ZNF385D: variants seen among roughly 807,000 people sequenced by gnomAD.
ZNF385D encodes zinc finger protein 385D.
Under a neutral mutation model 35.8 loss-of-function variants are expected in ZNF385D, and 15 were observed. That is an observed-to-expected ratio of 0.42 (90% CI 0.28 to 0.64). The LOEUF is 0.64. Among genes scored for constraint, ZNF385D ranks in the 30% least tolerant of loss-of-function variants. The probability of loss-of-function intolerance (pLI) is 0.23; values close to 1 mark genes in which losing one functional copy is unlikely to be tolerated. For synonymous variants in ZNF385D, 212 were observed against 186.8 expected (o/e 1.13, Z -1.10); for missense variants, 474 against 494.6 (o/e 0.96, Z 0.39).
At chr3:22,049,734 A>C (rs377116406) in intron 3 of ZNF385D, among the ~76,000 whole-genome samples, 1 of 152,158 alleles carries the variant, frequency 6.6e-6, no homozygotes, top group Admixed American at 6.6e-5. Context: ...CAAGATGCTC[A>C]ATTTTCAGCA....
chr3:21,490,884 C>T (rs1369518498), intron 4 of ZNF385D, among the ~76,000 whole-genome samples: 1 of 130,818 alleles, frequency 7.6e-6, no homozygotes, highest in East Asian at 2.2e-4. Flanking sequence ...AGATTAGCCT[C>T]ATTATTCACT....
intron 2 of ZNF385D, among the ~76,000 whole-genome samples, chr3:22,364,213 G>T (rs187163659): frequency 6.0e-4 from 91 of 151,912 alleles, no homozygotes; most frequent in Non-Finnish European, 1.1e-3. Context: ...TGAGTTTTGG[G>T]ATATGACATC....
At chr3:22,160,449 G>A (rs960820306) in intron 3 of ZNF385D, among the ~76,000 whole-genome samples, 1 of 151,920 alleles carries the variant, frequency 6.6e-6, no homozygotes, top group Non-Finnish European at 1.5e-5. Context: ...CCTGAAGTAC[G>A]ATAAAAATCT....
chr3:21,655,197 CTG>C (rs1245736505), intron 2 of ZNF385D, among the ~76,000 whole-genome samples: 1 of 151,994 alleles, frequency 6.6e-6, no homozygotes, highest in Non-Finnish European at 1.5e-5. Flanking sequence ...CCTGCAATTT[CTG>C]TGTTTCTCCT....
At chr3:21,737,458 G>GAT (rs3073115) in intron 1 of ZNF385D, among the ~76,000 whole-genome samples, 42,034 of 148,734 alleles carry the variant, frequency 0.28, 6,105 homozygotes, top group South Asian at 0.42. Context: ...ACAAGAGGGG[G>GAT]ATATATATAC....
intron 3 of ZNF385D, among the ~76,000 whole-genome samples, chr3:21,954,938 A>G (rs1391330): frequency 0.32 from 48,196 of 151,988 alleles, 8,788 homozygotes; most frequent in African/African-American, 0.46. Context: ...CCAAGCAAGC[A>G]GCCTGCAAGG....
At chr3:21,436,866 C>T (rs1701576368) in intron 5 of ZNF385D, 104 bp downstream of exon 5, 1 of 1,035,784 alleles carries the variant, frequency 9.7e-7, no homozygotes, top group Non-Finnish European at 1.4e-6. Context: ...TAATAATTGC[C>T]AGTTTTCCTC....
intron 2 of ZNF385D, among the ~76,000 whole-genome samples, chr3:22,254,504 C>A (rs1700216154): frequency 1.3e-5 from 2 of 151,742 alleles, no homozygotes; most frequent in Admixed American, 6.6e-5. Flanking sequence ...TTTCTTTACA[C>A]ATTTCATTAT....
chr3:22,002,152 GA>G (rs1695881428), intron 3 of ZNF385D, among the ~76,000 whole-genome samples: 1 of 150,966 alleles, frequency 6.6e-6, no homozygotes, highest in Non-Finnish European at 1.5e-5. Context: ...TTAGTGAAAT[GA>G]AAAGTTGATT....
intron 2 of ZNF385D, among the ~76,000 whole-genome samples, chr3:22,316,696 T>C (rs1257269662): frequency 6.6e-6 from 1 of 152,180 alleles, no homozygotes; most frequent in East Asian, 1.9e-4. Flanking sequence ...ATAATAGTAT[T>C]TACCATACAG....
At position 21,637,051 on chromosome 3, in the gene ZNF385D, T is replaced by C. The variant is rs1292662291; in HGVS notation, c.165+27835A>G. 2.0e-5 allele frequency among the ~76,000 whole-genome samples: 3 copies of C among 152,178 alleles called. No individual in the cohort carries two copies. In the East Asian group the frequency reaches 5.8e-4, roughly 30 times the overall value. ...AGATTTTCTCCTACTCTGTGAGTTG[T>C]CTGTTTATTCTGCTGACTGTTCCTT... On this transcript the variant is annotated intron_variant, in intron 2 of 7. Coordinates refer to ENST00000281523, the MANE Select transcript of ZNF385D (RefSeq NM_024697.3).
chr3:22,260,881 C>A (rs577132981), intron 2 of ZNF385D, among the ~76,000 whole-genome samples: 1 of 151,982 alleles, frequency 6.6e-6, no homozygotes, highest in African/African-American at 2.4e-5. Context: ...TCTATGGTAA[C>A]AGTTTTAGTA....
At chr3:22,058,921 T>C (rs1699551594) in intron 3 of ZNF385D, among the ~76,000 whole-genome samples, 1 of 152,210 alleles carries the variant, frequency 6.6e-6, no homozygotes. Flanking sequence ...CCAAATCTTT[T>C]CCTCTTTACA....
At chr3:22,132,858 A>T (rs754295008) in intron 3 of ZNF385D, among the ~76,000 whole-genome samples, 8 of 152,130 alleles carry the variant, frequency 5.3e-5, no homozygotes, top group Non-Finnish European at 7.4e-5. Flanking sequence ...AGCGCTAAAG[A>T]TATTTTAAAA....
At chr3:22,074,987 T>G (rs1700396020) in intron 3 of ZNF385D, among the ~76,000 whole-genome samples, 1 of 151,928 alleles carries the variant, frequency 6.6e-6, no homozygotes, top group Non-Finnish European at 1.5e-5. Flanking sequence ...TTCTAAAGTT[T>G]GAGAATCATA....
At chr3:22,281,552 A>C (rs1233818834) in intron 2 of ZNF385D, among the ~76,000 whole-genome samples, 4 of 151,948 alleles carry the variant, frequency 2.6e-5, no homozygotes, top group Non-Finnish European at 5.9e-5. Context: ...TGACTTGTGG[A>C]TGTTAAACCA....
chr3:21,616,733 A>T (rs1370136430), intron 2 of ZNF385D, among the ~76,000 whole-genome samples: 4 of 152,336 alleles, frequency 2.6e-5, no homozygotes, highest in Admixed American at 6.5e-5. Flanking sequence ...AATAGCACTC[A>T]TTATAACATT....
chr3:21,953,196 G>A (rs1702140602), intron 3 of ZNF385D, among the ~76,000 whole-genome samples: 1 of 151,396 alleles, frequency 6.6e-6, no homozygotes, highest in East Asian at 1.9e-4. Context: ...CATTTGTAAA[G>A]GTCATGTGGG....
At chr3:21,569,618 G>T (rs977020120) in intron 2 of ZNF385D, among the ~76,000 whole-genome samples, 2 of 149,324 alleles carry the variant, frequency 1.3e-5, no homozygotes, top group African/African-American at 5.0e-5. Context: ...ATGTTAGCTG[G>T]TTATTTTGCT....
Sources: gnomAD v4.1 joint callset for allele counts (sites outside exome capture counted in the v4.1 genomes callset) on GRCh38, gnomAD v4.1.1 for gene constraint, MANE v1.5 for transcripts, NCBI Gene and HGNC (gene_info 2026-07-23, HGNC 2026-07-21) for gene names.